The following LY9 variants were observed in gnomAD, a reference collection of about 807,000 sequenced individuals.
LY9 encodes T-lymphocyte surface antigen Ly-9.
A neutral mutation model predicts 64.6 loss-of-function variants in LY9; 59 were observed. The ratio of observed to expected loss-of-function variants is 0.91; its 90% CI spans 0.74 to 1.13. The LOEUF (loss-of-function observed/expected upper bound fraction) is 1.13. Among genes scored for constraint, LY9 ranks in the 50% most tolerant of loss-of-function variants. LY9 has a pLI of 0.00. For synonymous variants in LY9, 281 were observed against 308.5 expected, an observed-to-expected ratio of 0.91 and a Z score of 0.93; for missense variants, 789 against 797.2, an observed-to-expected ratio of 0.99 and a Z score of 0.12.
chr1:160,800,763 C>G (rs894917325), intron 2 of LY9, among the ~76,000 whole-genome samples: 1 of 152,120 alleles, frequency 6.6e-6, no homozygotes, highest in Non-Finnish European at 1.5e-5. Context: ...CATGTGTACC[C>G]ATTGCTTCCA....
At chr1:160,824,340 G>T (rs1668723008) in intron 9 of LY9, 91 bp downstream of exon 9, 17 of 1,569,658 alleles carry the variant, frequency 1.1e-5, no homozygotes, top group Admixed American at 1.8e-5. Context: ...AGATTCCCAT[G>T]GCTAAGGATC....
chr1:160,805,168 T>TCA, intron 2 of LY9, among the ~76,000 whole-genome samples: 1 of 152,120 alleles, frequency 6.6e-6, no homozygotes, highest in East Asian at 1.9e-4. Flanking sequence ...CTTGCTTTTC[T>TCA]AGCTCCTTAA....
chr1:160,825,238 A>C (rs1417758836), intron 9 of LY9, among the ~76,000 whole-genome samples: 1 of 152,102 alleles, frequency 6.6e-6, no homozygotes, highest in Non-Finnish European at 1.5e-5. Context: ...TACAGGTAGA[A>C]TTTATCATTA....
At chr1:160,825,597 T>C (rs376094042) in intron 9 of LY9, among the ~76,000 whole-genome samples, 2 of 152,124 alleles carry the variant, frequency 1.3e-5, no homozygotes, top group East Asian at 3.8e-4. Context: ...CCCTATAACA[T>C]ATTCAAAAAA....
rs557248221 is a variant in LY9 at position 160,823,661 on chromosome 1, G to C, written c.1695G>C (p.Gln565His). ...GTGGAAGATATGAGGTATTTGACCA[G>C]GTCACTCAGGAGGGCGCTGGACATG... is the stretch of plus-strand genomic sequence containing the variant. ...PISGRYEVFD[Q>H]VTQEGAGHDP... Residue 565 changes from glutamine to histidine, a missense_variant, in exon 8 of 10, where the codon CAG (glutamine) becomes CAC (histidine). By Grantham distance (24) the Gln-to-His change is conservative. Coordinates refer to ENST00000263285, the MANE Select transcript of LY9 (RefSeq NM_002348.4). 1.2e-6 allele frequency: 2 copies of C among 1,614,128 alleles called. No individual in the cohort carries two copies. The highest frequency in any genetic ancestry group is 2.2e-5 in the East Asian group (1 of 44,874).
Position 160,814,497 on chromosome 1 carries a change from G to C in LY9, c.808G>C (p.Ala270Pro). The change falls in exon 4 of 10, where the codon GCA becomes CCA. Residue 270 changes from alanine (A) to proline (P), a missense_variant. Ala to Pro is a conservative substitution (Grantham distance 27). Coordinates refer to ENST00000263285, the MANE Select transcript of LY9 (RefSeq NM_002348.4). ...VLGEPVTLPL[A>P]LPACRDTEKV... Reference sequence around the variant, plus strand: ...GGGAGAGCCAGTCACCCTGCCACTTGCACTCCCAGCCTGCCGGGACACAGA... The same window carrying C: ...GGGAGAGCCAGTCACCCTGCCACTTCCACTCCCAGCCTGCCGGGACACAGA... 6.2e-7 allele frequency: 1 copy of C among 1,614,144 alleles called. No homozygotes were observed. The highest frequency in any genetic ancestry group is 8.5e-7 in the Non-Finnish European group (1 of 1,180,020).
chr1:160,813,707 C>T lies in LY9; in HGVS notation c.526C>T (p.Leu176=), dbSNP rs769646501. 3.7e-6 allele frequency: 6 copies of T among 1,614,178 alleles called. No homozygotes were observed. The highest frequency in any genetic ancestry group is 1.7e-5 in the Admixed American group (1 of 60,026). ...TGAGAACTTCTCCTGTAACATCACT[C>T]TAATGTGCTCCGTGAAGGGGGCAGA... ...VSENFSCNIT[L]MCSVKGAEKS... The change falls in exon 3 of 10, where the codon CTA becomes TTA. Residue 176 remains leucine, a synonymous_variant. Coordinates refer to ENST00000263285, the MANE Select transcript of LY9 (RefSeq NM_002348.4).
intron 1 of LY9, 68 bp downstream of exon 1, chr1:160,796,379 C>T: frequency 6.6e-7 from 1 of 1,511,450 alleles, no homozygotes; most frequent in Admixed American, 2.3e-5. Context: ...CATTCCCTGC[C>T]TGGGAGATTC....
chr1:160,805,051 A>T (rs1398524315), intron 2 of LY9, among the ~76,000 whole-genome samples: 1 of 152,052 alleles, frequency 6.6e-6, no homozygotes. Context: ...CAAAGAGCTA[A>T]CTTTTTCTTT....
chr1:160,801,766 C>A, intron 2 of LY9: 3 of 1,563,756 alleles, frequency 1.9e-6, no homozygotes, highest in Non-Finnish European at 2.6e-6. Context: ...CATTCTTCTG[C>A]ATGTGACTAT....
chr1:160,826,681 G>T lies in LY9; in HGVS notation c.1900-1067G>T, dbSNP rs144758571. Among the ~76,000 whole-genome samples the T allele has an allele frequency of 1.9e-4, 29 of 152,292 alleles. No homozygotes were observed. The East Asian group carries it at 5.4e-3, about 28-fold the overall frequency. Reference sequence around the variant, plus strand: ...CATCATGAAAAAGGAATTTGGGTTGGGCCTTAAAAGATGGATAGAATTTGC... The same window carrying T: ...CATCATGAAAAAGGAATTTGGGTTGTGCCTTAAAAGATGGATAGAATTTGC... On this transcript the variant is annotated intron_variant, in intron 9 of 9. Transcript: ENST00000263285.
At chr1:160,809,199 T>G (rs1667254805) in intron 2 of LY9, among the ~76,000 whole-genome samples, 1 of 151,940 alleles carries the variant, frequency 6.6e-6, no homozygotes, top group South Asian at 2.1e-4. Context: ...ATTCTTTTTT[T>G]TTTTGAGACA....
At chr1:160,801,691 A>T in intron 2 of LY9, 1 of 883,214 alleles carries the variant, frequency 1.1e-6, no homozygotes, top group Non-Finnish European at 1.8e-6. Context: ...TTCAGGTCTT[A>T]CATTCAAGTC....
chr1:160,827,254 C>T (rs1668903144), intron 9 of LY9, among the ~76,000 whole-genome samples: 1 of 152,182 alleles, frequency 6.6e-6, no homozygotes, highest in Admixed American at 6.5e-5. Context: ...TCCCGCTCCT[C>T]TGGGTCAGCA....
chr1:160,822,146 A>C (rs1045473667), intron 7 of LY9, among the ~76,000 whole-genome samples: 2 of 152,164 alleles, frequency 1.3e-5, no homozygotes, highest in Non-Finnish European at 2.9e-5. Context: ...GGGAAAGTTT[A>C]GGACACAGAC....
chr1:160,807,655 G>T (rs1457114238), intron 2 of LY9, among the ~76,000 whole-genome samples: 1 of 151,938 alleles, frequency 6.6e-6, no homozygotes, highest in South Asian at 2.1e-4. Context: ...TGATTCTCTG[G>T]GTCCCAAGCA....
chr1:160,826,927 A>G (rs1193847002), intron 9 of LY9, among the ~76,000 whole-genome samples: 4 of 152,168 alleles, frequency 2.6e-5, no homozygotes, highest in African/African-American at 9.7e-5. Flanking sequence ...CCCTGCTCTG[A>G]GTTTCAGAAT....
Position 160,823,791 on chromosome 1 carries a change from T to G in LY9, c.1825T>G (p.Leu609Val), listed in dbSNP as rs1668667382. The change falls in exon 8 of 10, where the codon TTA (leucine) becomes GTA (valine). Residue 609 changes from leucine (L) to valine (V), a missense_variant. Leu to Val is a conservative substitution (Grantham distance 32). Coordinates refer to ENST00000263285, the MANE Select transcript of LY9 (RefSeq NM_002348.4). ...CACCATGTATGCACAAGTGTTCAAC[T>G]TACAGGTGAGCCCTTCTGATCAATA... ...ENTMYAQVFN[L>V]QGKTPVSQKE... 6.2e-7 allele frequency: 1 copy of G among 1,609,090 alleles called. No homozygotes were observed. The highest frequency in any genetic ancestry group is 8.5e-7 in the Non-Finnish European group (1 of 1,175,920).
At chr1:160,812,626 A>G (rs1667597821) in intron 2 of LY9, 1 of 152,244 alleles carries the variant, frequency 6.6e-6, no homozygotes, top group Admixed American at 6.5e-5. Context: ...GTCTATATCT[A>G]GAATACCTCT....
Sources: gnomAD v4.1 joint callset for allele counts (sites outside exome capture counted in the v4.1 genomes callset) on GRCh38, gnomAD v4.1.1 for gene constraint, MANE v1.5 for transcripts, NCBI Gene and HGNC (gene_info 2026-07-23, HGNC 2026-07-21) for gene names.